Variants in IMMP1L observed in about 807,000 individuals in gnomAD.
The protein encoded by IMMP1L is mitochondrial inner membrane protease subunit 1.
A neutral mutation model predicts 21.8 loss-of-function variants in IMMP1L; 24 were observed. The ratio of observed to expected loss-of-function variants is 1.10; its 90% confidence interval spans 0.80 to 1.55. The LOEUF is 1.55. Among genes scored for constraint, IMMP1L ranks in the 40% most tolerant of loss-of-function variants. IMMP1L has a pLI of 0.00. For missense variants in IMMP1L, 195 were observed against 200.7 expected, an observed-to-expected ratio of 0.97 and a Z score of 0.17; for synonymous variants, 46 against 62.8, an observed-to-expected ratio of 0.73 and a Z score of 1.26.
At chr11:31,508,827 C>T (rs1386241789) in intron 1 of IMMP1L, among the ~76,000 whole-genome samples, 1 of 152,022 alleles carries the variant, frequency 6.6e-6, no homozygotes, top group Non-Finnish European at 1.5e-5. Context: ...AAATTAAATA[C>T]AAAAATACAA....
chr11:31,467,599 G>T (rs1332929046), intron 1 of IMMP1L, among the ~76,000 whole-genome samples: 1 of 152,050 alleles, frequency 6.6e-6, no homozygotes, highest in African/African-American at 2.4e-5. Context: ...TTAAAAAGAT[G>T]CATGTGTTGG....
Position 31,456,312 on chromosome 11 carries a change from C to G in IMMP1L, c.269G>C (p.Gly90Ala), listed in dbSNP as rs1219593215. ...TGGACTAGTGGTGAGGATTTTGTCT[C>G]CTTCCAAACCAATTACTCTTTTACA... is the stretch of plus-strand genomic sequence containing the variant. ...NICKRVIGLE[G>A]DKILTTSPSD... The change falls in exon 4 of 6, where the codon GGA becomes GCA. Residue 90 changes from glycine to alanine, a missense_variant. By Grantham distance (60) the Gly-to-Ala change is moderately conservative. Transcript: ENST00000532287. The G allele has an allele frequency of 1.9e-6, 3 of 1,608,358 alleles. No individual in the cohort carries two copies. The highest frequency in any genetic ancestry group is 2.6e-6 in the Non-Finnish European group (3 of 1,175,586).
intron 1 of IMMP1L, among the ~76,000 whole-genome samples, chr11:31,482,036 T>C (rs1954908704): frequency 6.6e-6 from 1 of 152,060 alleles, no homozygotes; most frequent in South Asian, 2.1e-4. Flanking sequence ...AAAGGCAAAC[T>C]AACAAACAAC....
chr11:31,492,492 T>C (rs1955289942), intron 1 of IMMP1L, among the ~76,000 whole-genome samples: 1 of 152,226 alleles, frequency 6.6e-6, no homozygotes, highest in South Asian at 2.1e-4. Flanking sequence ...TTTATGAACT[T>C]TTCCCATTGC....
intron 4 of IMMP1L, chr11:31,453,042 G>A (rs776681901): frequency 1.0e-5 from 13 of 1,286,862 alleles, no homozygotes; most frequent in Middle Eastern, 2.2e-4. Context: ...GTGAGCCACC[G>A]CGGCCGGCCA....
At chr11:31,498,942 G>A (rs140470160) in intron 1 of IMMP1L, among the ~76,000 whole-genome samples, 275 of 152,308 alleles carry the variant, frequency 1.8e-3, no homozygotes, top group African/African-American at 6.3e-3. Flanking sequence ...GAGGAGTGGA[G>A]ATACTGAAGA....
Position 31,433,447 on chromosome 11 carries a change from C to CCTTAAAGAAATGTACCTTAA in IMMP1L, c.432+12_432+13insTTAAGGTACATTTCTTTAAG. ...CAGAAAATAAACCTTACATTTTAAGCAGAAAATGGTACCTTAAAGAAGATT... is the reference window on the plus strand; with the variant it reads ...CAGAAAATAAACCTTACATTTTAAGCCTTAAAGAAATGTACCTTAAAGAAAATGGTACCTTAAAGAAGATT... On this transcript the variant is annotated intron_variant, in intron 5 of 5. Coordinates refer to ENST00000532287, the MANE Select transcript of IMMP1L (RefSeq NM_001304274.2). The CCTTAAAGAAATGTACCTTAA allele has an allele frequency of 1.4e-6, 2 of 1,414,070 alleles. No individual in the cohort carries two copies. Among genetic ancestry groups the CCTTAAAGAAATGTACCTTAA allele is most frequent in the Non-Finnish European group, 2.0e-6 (2 of 1,023,114 alleles). The allele number at this position is 1,414,070 out of a possible 1,614,324, so 87.6% of individuals were successfully genotyped here.
At chr11:31,485,293 G>A (rs1955033304) in intron 1 of IMMP1L, among the ~76,000 whole-genome samples, 1 of 151,610 alleles carries the variant, frequency 6.6e-6, no homozygotes, top group South Asian at 2.1e-4. Flanking sequence ...TTAATAATTA[G>A]AAAACAAACA....
At chr11:31,460,809 A>G in intron 2 of IMMP1L, 95 bp from the exon 3 acceptor site, 1 of 900,038 alleles carries the variant, frequency 1.1e-6, no homozygotes. Flanking sequence ...AAATCAAGCA[A>G]ATGTTCCTAA....
At chr11:31,484,115 T>C (rs540855937) in intron 1 of IMMP1L, among the ~76,000 whole-genome samples, 2 of 152,010 alleles carry the variant, frequency 1.3e-5, no homozygotes. Flanking sequence ...ACAGTAAATA[T>C]AGCAGGCTTA....
chr11:31,456,735 A>G (rs761450110), intron 3 of IMMP1L, among the ~76,000 whole-genome samples: 2 of 151,816 alleles, frequency 1.3e-5, no homozygotes, highest in Non-Finnish European at 2.9e-5. Flanking sequence ...ACAATTCTAC[A>G]TAGGCCGGGT....
At chr11:31,457,518 A>G (rs568299996) in intron 3 of IMMP1L, among the ~76,000 whole-genome samples, 15 of 152,222 alleles carry the variant, frequency 9.9e-5, no homozygotes, top group Non-Finnish European at 1.5e-4. Flanking sequence ...AGCATATGTC[A>G]AAATAATATT....
chr11:31,449,643 T>A (rs1427983627), intron 4 of IMMP1L, among the ~76,000 whole-genome samples: 1 of 152,176 alleles, frequency 6.6e-6, no homozygotes, highest in Non-Finnish European at 1.5e-5. Context: ...ATAATGATGA[T>A]GTTATTAACA....
At chr11:31,501,804 A>AATAAATAC (rs1955626354) in intron 1 of IMMP1L, among the ~76,000 whole-genome samples, 1 of 146,258 alleles carries the variant, frequency 6.8e-6, no homozygotes, top group African/African-American at 2.7e-5. Context: ...TAAATAAATA[A>AATAAATAC]ATAAATAAAT....
intron 1 of IMMP1L, among the ~76,000 whole-genome samples, chr11:31,506,727 C>T (rs1460412255): frequency 2.7e-5 from 4 of 150,420 alleles, no homozygotes; most frequent in Non-Finnish European, 2.9e-5. Flanking sequence ...TTTGGGAAGC[C>T]GAGGCGGGTG....
intron 1 of IMMP1L, among the ~76,000 whole-genome samples, chr11:31,506,395 A>AT (rs1286501309): frequency 6.6e-6 from 1 of 151,384 alleles, no homozygotes; most frequent in African/African-American, 2.4e-5. Context: ...TGCCCAGCTA[A>AT]TTTTTTTGTA....
chr11:31,505,107 T>G (rs1269000479), intron 1 of IMMP1L, among the ~76,000 whole-genome samples: 1 of 152,168 alleles, frequency 6.6e-6, no homozygotes, highest in African/African-American at 2.4e-5. Context: ...TGATATGGAC[T>G]CCAGGGCTAG....
intron 1 of IMMP1L, among the ~76,000 whole-genome samples, chr11:31,465,865 C>T (rs918693536): frequency 6.6e-5 from 10 of 151,894 alleles, no homozygotes; most frequent in South Asian, 4.1e-4. Context: ...AGACATTGGT[C>T]TAGGCAAAGA....
At chr11:31,454,152 T>C (rs1186172778) in intron 4 of IMMP1L, among the ~76,000 whole-genome samples, 1 of 152,176 alleles carries the variant, frequency 6.6e-6, no homozygotes, top group Non-Finnish European at 1.5e-5. Flanking sequence ...ATGTACTGTA[T>C]ACTTATAAAT....
Sources: gnomAD v4.1 joint callset for allele counts (sites outside exome capture counted in the v4.1 genomes callset) on GRCh38, gnomAD v4.1.1 for gene constraint, MANE v1.5 for transcripts, NCBI Gene and HGNC (gene_info 2026-07-23, HGNC 2026-07-21) for gene names.